Variants in BTG1 observed in about 807,000 individuals in gnomAD.
BTG1 encodes the protein protein BTG1.
In BTG1, 2 loss-of-function variants were observed where a neutral mutation model predicts 15.2. That is an observed-to-expected ratio of 0.13 (90% CI 0.05 to 0.41). BTG1 has a LOEUF of 0.41. BTG1 is among the 10% of genes least tolerant of loss of function. The pLI, the probability that BTG1 is intolerant of heterozygous loss-of-function variation, is 0.99. For synonymous variants in BTG1, 109 were observed against 82.4 expected (o/e 1.32, Z -1.75); for missense variants, 149 against 215.0 (o/e 0.69, Z 1.92).
At position 92,140,990 on chromosome 12, in the gene BTG1, T is replaced by C; in HGVS notation, c.*3090A>G. On this transcript the variant is annotated 3_prime_UTR_variant, in exon 2 of 2. Transcript: ENST00000256015. ...CTTCAGTTATCATACCTCTCTTCTGTAAAGAGGAAGAAGAGAGAGTATCAG... is the reference window on the plus strand; with the variant it reads ...CTTCAGTTATCATACCTCTCTTCTGCAAAGAGGAAGAAGAGAGAGTATCAG... The C allele has an allele frequency of 4.3e-6, 1 of 232,712 alleles. No homozygotes were observed. Among genetic ancestry groups the C allele is most frequent in the South Asian group, 1.8e-4 (1 of 5,518 alleles). 14.4% of individuals were successfully genotyped at this position (232,712 alleles called of 1,614,324 possible). A position where few individuals can be genotyped will look rare whatever the true frequency, so the allele number is the denominator to read the frequency against.
In BTG1 at chr12:92,142,099, G is replaced by A. The variant is rs1870269987; in HGVS notation, c.*1981C>T. 4.3e-6 allele frequency: 1 copy of A among 231,886 alleles called. No homozygotes were observed. The highest frequency in any genetic ancestry group is 8.5e-6 in the Non-Finnish European group (1 of 117,340). The allele number at this position is 231,886 out of a possible 1,614,324, so 14.4% of individuals were successfully genotyped here. ...AAAATAAAACCATAACAATTGGCAA[G>A]GGTAGTCCATGTGTTGCGGGTCTAC... On this transcript the variant is annotated 3_prime_UTR_variant, in exon 2 of 2. Transcript: ENST00000256015.
At chr12:92,145,342 C>G (rs1171464848) in intron 1 of BTG1, 46 bp downstream of exon 1, 2 of 1,490,916 alleles carry the variant, frequency 1.3e-6, no homozygotes, top group African/African-American at 1.4e-5. Context: ...GACTCTGACC[C>G]AGGGATGTGG....
rs1301516235 is a variant in BTG1, at chr12:92,142,966, T to C, written c.*1114A>G. 1 of 232,956 alleles carries C rather than the reference T, an allele frequency of 4.3e-6. No homozygotes were observed. Among genetic ancestry groups the C allele is most frequent in the African/African-American group, 2.2e-5 (1 of 45,328 alleles). 14.4% of individuals were successfully genotyped at this position (232,956 alleles called of 1,614,324 possible). ...ATTTTTAAAACATGCTACTCCTGTG[T>C]TTCCTGTAAAACCTAAACATGTATA... On this transcript the variant is annotated 3_prime_UTR_variant, in exon 2 of 2. Coordinates refer to ENST00000256015, the MANE Select transcript of BTG1 (RefSeq NM_001731.3).
Position 92,141,704 on chromosome 12 carries a change from GAAAC to G in BTG1, c.*2372_*2375del. 4.3e-6 allele frequency: 1 copy of G among 232,540 alleles called. No individual in the cohort carries two copies. The highest frequency in any genetic ancestry group is 8.5e-6 in the Non-Finnish European group (1 of 117,582). 14.4% of individuals were successfully genotyped at this position (232,540 alleles called of 1,614,324 possible). A position where few individuals can be genotyped will look rare whatever the true frequency, so the allele number is the denominator to read the frequency against. On this transcript the variant is annotated 3_prime_UTR_variant, in exon 2 of 2. Transcript: ENST00000256015. Reference sequence around the variant, plus strand: ...GGGGAAGGTAAGGTTAAAGTCACAGGAAACAGCTGGTCTCAGAGTGATGTGTGCA... The same window carrying G: ...GGGGAAGGTAAGGTTAAAGTCACAGGAGCTGGTCTCAGAGTGATGTGTGCA...
intron 1 of BTG1, 90 bp downstream of exon 1, chr12:92,145,298 G>T: frequency 7.4e-7 from 1 of 1,352,708 alleles, no homozygotes; most frequent in Non-Finnish European, 9.6e-7. Context: ...CCGGCCCCGG[G>T]GCGCTGCCGA....
chr12:92,143,141 AGAAAC>A lies in BTG1; in HGVS notation c.*934_*938del, dbSNP rs1870361836. The A allele has an allele frequency of 4.3e-6, 1 of 232,834 alleles. No individual in the cohort carries two copies. The highest frequency in any genetic ancestry group is 5.6e-5 in the Admixed American group (1 of 17,776). The allele number at this position is 232,834 out of a possible 1,614,324, so 14.4% of individuals were successfully genotyped here. On this transcript the variant is annotated 3_prime_UTR_variant, in exon 2 of 2. Transcript: ENST00000256015. ...AGAGATTGATTAAAATGCCAAGATA[AGAAAC>A]GATTTATTATAGAGAGAAGAAAAAT...
chr12:92,144,204 C>A lies in BTG1; in HGVS notation c.392G>T (p.Gly131Val). The change falls in exon 2 of 2, where the codon GGA becomes GTA. Residue 131 changes from glycine (G) to valine (V), a missense_variant. This residue lies in a region of BTG1 where 52 missense variants were observed against 57.4 expected (regional missense o/e 0.91). Transcript: ENST00000256015. ...ICVLYEASPA[G>V]GSTQNSTNVQ... ...GTTGGTGCTGTTTTGAGTGCTACCT[C>A]CTGCTGGTGAGGCTTCATACAGCAC... 6.2e-7 allele frequency: 1 copy of A among 1,614,210 alleles called. No individual in the cohort carries two copies. The highest frequency in any genetic ancestry group is 8.5e-7 in the Non-Finnish European group (1 of 1,180,042).
chr12:92,144,471 GAAAC>G, intron 1 of BTG1, 24 bp from the exon 2 acceptor site: 1 of 1,609,100 alleles, frequency 6.2e-7, no homozygotes, highest in East Asian at 2.2e-5. Flanking sequence ...GAAGAACAGA[GAAAC>G]AACGCTTAGG....
rs985872017 is a variant in BTG1, at chr12:92,145,607, C to T, written c.-72G>A. The T allele has an allele frequency of 4.5e-6, 5 of 1,105,632 alleles. No individual in the cohort carries two copies. The highest frequency in any genetic ancestry group is 3.3e-5 in the African/African-American group (2 of 60,388). The allele number at this position is 1,105,632 out of a possible 1,614,324, so 68.5% of individuals were successfully genotyped here. ...GCGGCCCCGACGGCGGAGCAGCCAC[C>T]CCGGGCTTCCTCACCGGGCGGAAGG... On this transcript the variant is annotated 5_prime_UTR_variant, in exon 1 of 2. Transcript: ENST00000256015.
rs1870161584 is a variant in BTG1, at chr12:92,140,773, AC to A, written c.*3306del. The stretch of plus-strand genomic sequence containing the variant: ...AGTCTAAAATGTTGGCAGTCTGTAT[AC>A]CTTCAGATAAATAAGAAATCTATTC... On this transcript the variant is annotated 3_prime_UTR_variant, in exon 2 of 2. Transcript: ENST00000256015. 4.3e-6 allele frequency: 1 copy of A among 232,358 alleles called. No homozygotes were observed. Among genetic ancestry groups the A allele is most frequent in the South Asian group, 1.8e-4 (1 of 5,526 alleles). 14.4% of individuals were successfully genotyped at this position (232,358 alleles called of 1,614,324 possible). A position where few individuals can be genotyped will look rare whatever the true frequency, so the allele number is the denominator to read the frequency against.
In BTG1 at chr12:92,141,324, T is replaced by C; in HGVS notation, c.*2756A>G. On this transcript the variant is annotated 3_prime_UTR_variant, in exon 2 of 2. Coordinates refer to ENST00000256015, the MANE Select transcript of BTG1 (RefSeq NM_001731.3). ...TAAGGATAAAGACATGAGATTCCCA[T>C]TCCAGATGACAAAGATAACAGCCGC... The C allele has an allele frequency of 4.3e-6, 1 of 232,654 alleles. No homozygotes were observed. The highest frequency in any genetic ancestry group is 8.5e-6 in the Non-Finnish European group (1 of 117,668). The allele number at this position is 232,654 out of a possible 1,614,324, so 14.4% of individuals were successfully genotyped here.
Position 92,140,514 on chromosome 12 carries a change from A to G in BTG1, c.*3566T>C, listed in dbSNP as rs1405991540. On this transcript the variant is annotated 3_prime_UTR_variant, in exon 2 of 2. Coordinates refer to ENST00000256015, the MANE Select transcript of BTG1 (RefSeq NM_001731.3). Reference sequence around the variant, plus strand: ...ATCTATAGGGATAAAGAAAATAAAGATCTATAGGCATAACCAGAAATCAGA... The same window carrying G: ...ATCTATAGGGATAAAGAAAATAAAGGTCTATAGGCATAACCAGAAATCAGA... The G allele has an allele frequency of 4.3e-6, 1 of 230,348 alleles. No homozygotes were observed. Among genetic ancestry groups the G allele is most frequent in the Non-Finnish European group, 8.6e-6 (1 of 116,372 alleles). 14.3% of individuals were successfully genotyped at this position (230,348 alleles called of 1,614,324 possible). A position where few individuals can be genotyped will look rare whatever the true frequency, so the allele number is the denominator to read the frequency against.
rs1404906970 is a variant in BTG1, at chr12:92,141,582, A to G, written c.*2498T>C. On this transcript the variant is annotated 3_prime_UTR_variant, in exon 2 of 2. Transcript: ENST00000256015. ...TAGTCATCCTATCTTAAAAGGATTTATAATAAAATATTTCAAAACATTCCC... is the reference window on the plus strand; with the variant it reads ...TAGTCATCCTATCTTAAAAGGATTTGTAATAAAATATTTCAAAACATTCCC... 4.3e-6 allele frequency: 1 copy of G among 231,162 alleles called. No individual in the cohort carries two copies. Among genetic ancestry groups the G allele is most frequent in the Non-Finnish European group, 8.6e-6 (1 of 116,818 alleles). The allele number at this position is 231,162 out of a possible 1,614,324, so 14.3% of individuals were successfully genotyped here.
rs533912735 is a variant in BTG1, at chr12:92,145,428, C to G, written c.108G>C (p.Gln36His). ...GCAGGCTCTGGCTGAAGGTCTGCAG[C>G]TGTCGCTCGCTCGTGAGCCCCTTGG... ...LRTKGLTSER[Q>H]LQTFSQSLQE... Residue 36 changes from glutamine to histidine, a missense_variant, in exon 1 of 2, where the codon CAG becomes CAC. Gln to His is a conservative substitution (Grantham distance 24). Transcript: ENST00000256015. 2 of 1,592,338 alleles carry G rather than the reference C, an allele frequency of 1.3e-6. No homozygotes were observed. The highest frequency in any genetic ancestry group is 2.4e-5 in the East Asian group (1 of 41,530).
rs941043084 is a variant in BTG1 at position 92,143,694 on chromosome 12, A to G, written c.*386T>C. ...AGCTGCCGAAAAGGTTAACAATAAC[A>G]ACTTTCAAGTGTAATAGTGCAAATT... On this transcript the variant is annotated 3_prime_UTR_variant, in exon 2 of 2. Transcript: ENST00000256015. The G allele has an allele frequency of 1.1e-5, 3 of 263,656 alleles. No individual in the cohort carries two copies. Among genetic ancestry groups the G allele is most frequent in the African/African-American group, 6.6e-5 (3 of 45,612 alleles). 16.3% of individuals were successfully genotyped at this position (263,656 alleles called of 1,614,324 possible).
rs377174658 is a variant in BTG1 at position 92,145,403 on chromosome 12, G to C, written c.133C>G (p.Gln45Glu). ...RQLQTFSQSL[Q>E]ELLAEHYKHH... ...CCCTGCTCACCTGCCAGCAGCTCCTGCAGGCTCTGGCTGAAGGTCTGCAGC... is the reference window on the plus strand; with the variant it reads ...CCCTGCTCACCTGCCAGCAGCTCCTCCAGGCTCTGGCTGAAGGTCTGCAGC... The change falls in exon 1 of 2, where the codon CAG (glutamine) becomes GAG (glutamate). Residue 45 changes from glutamine to glutamate, a missense_variant. By Grantham distance (29) the Gln-to-Glu change is conservative (BLOSUM62 2). Around this residue, in one of 3 missense-constraint regions of BTG1, gnomAD observed 63 missense variants for 60.8 expected, o/e 1.04. Transcript: ENST00000256015. The C allele has an allele frequency of 4.4e-6, 7 of 1,584,858 alleles. No individual in the cohort carries two copies. The African/African-American group carries it at 9.8e-5, about 22-fold the overall frequency.
intron 1 of BTG1, 152 bp from the exon 2 acceptor site, chr12:92,144,599 G>A (rs933388666): frequency 7.4e-6 from 8 of 1,078,072 alleles, no homozygotes; most frequent in East Asian, 5.0e-5. Flanking sequence ...TGCATGTGCG[G>A]GGATGGAAAA....
rs370082754 is a variant in BTG1, at chr12:92,143,438, C to T, written c.*642G>A. ...ACAGAGAGCTGGCTGGTGCTAACAC[C>T]ACAGTTGAGACAGTGTCTTTTTAAG... On this transcript the variant is annotated 3_prime_UTR_variant, in exon 2 of 2. Coordinates refer to ENST00000256015, the MANE Select transcript of BTG1 (RefSeq NM_001731.3). The T allele has an allele frequency of 1.7e-5, 4 of 233,470 alleles. No individual in the cohort carries two copies. In the East Asian group the frequency reaches 1.8e-4, roughly 11 times the overall value. The allele number at this position is 233,470 out of a possible 1,614,324, so 14.5% of individuals were successfully genotyped here.
intron 1 of BTG1, 96 bp from the exon 2 acceptor site, chr12:92,144,543 G>T (rs958430657): frequency 1.3e-6 from 2 of 1,499,386 alleles, no homozygotes; most frequent in African/African-American, 1.4e-5. Flanking sequence ...GAGCGAAAAT[G>T]AAAACTATCA....
Sources: allele counts gnomAD v4.1 joint callset, GRCh38; gene constraint gnomAD v4.1.1; regional missense constraint gnomAD v4.1.1; transcripts MANE v1.5; gene names NCBI Gene and HGNC (gene_info 2026-07-23, HGNC 2026-07-21).